Variants in PGAP2 observed in about 807,000 individuals in gnomAD.
PGAP2 encodes post-GPI attachment to proteins 2.
Under a neutral mutation model 33.2 loss-of-function variants are expected in PGAP2, and 21 were observed. That is an observed-to-expected ratio of 0.63 (90% CI 0.45 to 0.91). PGAP2 has a LOEUF of 0.91. PGAP2 is among the 40% of genes least tolerant of loss of function. PGAP2 has a pLI of 0.00. For missense variants in PGAP2, 345 were observed against 424.0 expected (o/e 0.81, Z 1.64); for synonymous variants, 161 against 172.9 (o/e 0.93, Z 0.54).
intron 2 of PGAP2, among the ~76,000 whole-genome samples, chr11:3,815,079 A>G (rs1462813208): frequency 1.3e-5 from 2 of 151,722 alleles, no homozygotes; most frequent in Non-Finnish European, 2.9e-5. Flanking sequence ...CTGAGATTAC[A>G]GGCATGCACC....
At chr11:3,800,372 C>T (rs898791846) in intron 1 of PGAP2, among the ~76,000 whole-genome samples, 1 of 152,072 alleles carries the variant, frequency 6.6e-6, no homozygotes, top group South Asian at 2.1e-4. Flanking sequence ...ATTTGATGCA[C>T]GAATGAGTGA....
upstream of PGAP2, among the ~76,000 whole-genome samples, chr11:3,804,604 G>A (rs1416033304): frequency 2.0e-5 from 3 of 152,128 alleles, no homozygotes; most frequent in Non-Finnish European, 2.9e-5. Flanking sequence ...CTGCTTACCT[G>A]TCTAAATACT....
chr11:3,825,638 CAT>C lies in PGAP2; in HGVS notation c.*183_*184del. 1.8e-6 allele frequency: 1 copy of C among 564,858 alleles called. No homozygotes were observed. The highest frequency in any genetic ancestry group is 1.9e-5 in the African/African-American group (1 of 52,382). 35.0% of individuals were successfully genotyped at this position (564,858 alleles called of 1,614,324 possible). A position where few individuals can be genotyped will look rare whatever the true frequency, so the allele number is the denominator to read the frequency against. Reference sequence around the variant, plus strand: ...CTGCTGGCTTCTCCTCTCCACCCCTCATATGGGCGTGGGGTCCTCAAACATCA... The same window carrying C: ...CTGCTGGCTTCTCCTCTCCACCCCTCATGGGCGTGGGGTCCTCAAACATCA... On this transcript the variant is annotated 3_prime_UTR_variant, in exon 7 of 7. Coordinates refer to ENST00000278243, the MANE Select transcript of PGAP2 (RefSeq NM_014489.4).
chr11:3,816,791 G>A (rs1030558425), intron 2 of PGAP2, among the ~76,000 whole-genome samples: 10 of 152,180 alleles, frequency 6.6e-5, no homozygotes, highest in African/African-American at 2.4e-4. Flanking sequence ...TTGAACTTGG[G>A]TAAGGAACAG....
At chr11:3,807,791 A>T (rs1388319309), upstream of PGAP2, among the ~76,000 whole-genome samples, 1 of 152,200 alleles carries the variant, frequency 6.6e-6, no homozygotes, top group Non-Finnish European at 1.5e-5. Flanking sequence ...GTGTGCTTGC[A>T]GGAGGAATTC....
chr11:3,821,635 G>T (rs1819903531), intron 3 of PGAP2, among the ~76,000 whole-genome samples: 1 of 152,050 alleles, frequency 6.6e-6, no homozygotes, highest in South Asian at 2.1e-4. Context: ...GCAGGCGCCT[G>T]TAATCCCAGT....
chr11:3,802,947 C>G (rs1276690273), intron 1 of PGAP2, among the ~76,000 whole-genome samples: 1 of 150,942 alleles, frequency 6.6e-6, no homozygotes, highest in Admixed American at 6.6e-5. Flanking sequence ...CTGCCTCAGC[C>G]TCCCGAGTAG....
intron 1 of PGAP2, among the ~76,000 whole-genome samples, chr11:3,800,512 A>G (rs550301023): frequency 1.3e-5 from 2 of 152,184 alleles, no homozygotes; most frequent in African/African-American, 4.8e-5. Flanking sequence ...ATTCAGTTTA[A>G]TTTAATTAAG....
At chr11:3,824,940 CTTAGGAG>C in intron 5 of PGAP2, 73 bp from the exon 6 acceptor site, 1 of 1,595,148 alleles carries the variant, frequency 6.3e-7, no homozygotes, top group East Asian at 2.2e-5. Context: ...AGGCCCAGCC[CTTAGGAG>C]TTAGGGCTGA....
chr11:3,822,228 G>A (rs1250566098), intron 3 of PGAP2, among the ~76,000 whole-genome samples: 2 of 152,098 alleles, frequency 1.3e-5, no homozygotes, highest in African/African-American at 2.4e-5. Context: ...GCCGGGCGTG[G>A]TGACGGGCGC....
upstream of PGAP2, among the ~76,000 whole-genome samples, chr11:3,804,278 A>T (rs189825052): frequency 1.8e-4 from 28 of 152,218 alleles, no homozygotes; most frequent in African/African-American, 6.5e-4. Flanking sequence ...AGCTAGATGA[A>T]CAGGGAAGCA....
At chr11:3,802,854 A>T (rs1318612718) in intron 1 of PGAP2, among the ~76,000 whole-genome samples, 3 of 139,554 alleles carry the variant, frequency 2.1e-5, no homozygotes, top group East Asian at 2.1e-4. Flanking sequence ...TGAGATGGAG[A>T]CTGGCTCTTT....
chr11:3,806,453 C>T (rs1490789590), upstream of PGAP2, among the ~76,000 whole-genome samples: 5 of 152,118 alleles, frequency 3.3e-5, no homozygotes, highest in African/African-American at 1.2e-4. Flanking sequence ...CTCCAGACTT[C>T]GGAGCCCCTC....
At chr11:3,810,185 CATCTATGTAG>C (rs1328318630) in intron 1 of PGAP2, among the ~76,000 whole-genome samples, 2 of 152,198 alleles carry the variant, frequency 1.3e-5, no homozygotes, top group Non-Finnish European at 2.9e-5. Context: ...CTAACTGCCT[CATCTATGTAG>C]ATTTTGGTTT....
intron 3 of PGAP2, 189 bp from the exon 4 acceptor site, chr11:3,823,694 C>G (rs1318693134): frequency 6.3e-7 from 1 of 1,583,674 alleles, no homozygotes; most frequent in Non-Finnish European, 8.5e-7. Context: ...GAATGAGAAT[C>G]CAGCACTTTG....
chr11:3,824,371 C>G lies in PGAP2; in HGVS notation c.703C>G (p.Gln235Glu), dbSNP rs1466558742. The G allele has an allele frequency of 6.2e-7, 1 of 1,614,024 alleles. No homozygotes were observed. The highest frequency in any genetic ancestry group is 2.2e-5 in the East Asian group (1 of 44,898). Reference protein sequence around the residue: ...WRLTKKHTVSQEDRKSYSWKQ... With the variant: ...WRLTKKHTVSEEDRKSYSWKQ... The stretch of plus-strand genomic sequence containing the variant: ...GTTGACCAAGAAGCACACAGTAAGT[C>G]AGGAGGTACGGTCTATCCCTAGCGG... The change falls in exon 5 of 7, where the codon CAG (glutamine) becomes GAG (glutamate). Residue 235 changes from glutamine (Q) to glutamate (E), a missense_variant. Gln to Glu is a conservative substitution (Grantham distance 29, BLOSUM62 2). Around this residue, in one of 2 missense-constraint regions of PGAP2, gnomAD observed 311 missense variants for 353.6 expected, o/e 0.88. Coordinates refer to ENST00000278243, the MANE Select transcript of PGAP2 (RefSeq NM_014489.4).
At chr11:3,824,985 C>G (rs773656428) in intron 5 of PGAP2, 35 bp from the exon 6 acceptor site, 21 of 1,613,434 alleles carry the variant, frequency 1.3e-5, no homozygotes, top group Admixed American at 5.0e-5. Flanking sequence ...TCATACCCAG[C>G]AAGCTGCAGA....
chr11:3,821,355 T>C (rs1288711390), intron 3 of PGAP2, among the ~76,000 whole-genome samples: 6 of 152,266 alleles, frequency 3.9e-5, no homozygotes. Context: ...ATTCCCTTGC[T>C]GGGTTGCTGG....
At chr11:3,816,893 A>G (rs1309991353) in intron 2 of PGAP2, among the ~76,000 whole-genome samples, 1 of 152,070 alleles carries the variant, frequency 6.6e-6, no homozygotes, top group Non-Finnish European at 1.5e-5. Context: ...ATGACTTAGA[A>G]CCTGAAGCTG....
Sources: gnomAD v4.1 joint callset for allele counts (sites outside exome capture counted in the v4.1 genomes callset) on GRCh38, gnomAD v4.1.1 for gene constraint, gnomAD v4.1.1 regional missense constraint, MANE v1.5 for transcripts, NCBI Gene and HGNC (gene_info 2026-07-23, HGNC 2026-07-21) for gene names.